The following PPP6R2 variants were observed in gnomAD, a reference collection of about 807,000 sequenced individuals.
The protein encoded by PPP6R2 is protein phosphatase 6 regulatory subunit 2, also known as serine/threonine-protein phosphatase 6 regulatory subunit 2.
A neutral mutation model predicts 100.2 loss-of-function variants in PPP6R2; 62 were observed. The ratio of observed to expected loss-of-function variants is 0.62; its 90% confidence interval spans 0.50 to 0.76. PPP6R2 has a LOEUF of 0.76. PPP6R2 is among the 30% of genes least tolerant of loss of function. The pLI is 0.00. For missense variants in PPP6R2, 1,142 were observed against 1,276.3 expected, an observed-to-expected ratio of 0.89 and a Z score of 1.60; for synonymous variants, 525 against 514.7, an observed-to-expected ratio of 1.02 and a Z score of -0.27.
chr22:50,382,735 T>C (rs1317428976), intron 2 of PPP6R2, among the ~76,000 whole-genome samples: 3 of 152,132 alleles, frequency 2.0e-5, no homozygotes, highest in African/African-American at 7.2e-5. Flanking sequence ...CTTACTGTTA[T>C]ACCAGTTCTT....
chr22:50,392,340 GAAA>G (rs34539629), intron 2 of PPP6R2, among the ~76,000 whole-genome samples: 25 of 117,600 alleles, frequency 2.1e-4, no homozygotes, highest in Admixed American at 3.5e-4. Flanking sequence ...TGTCTCTACA[GAAA>G]AAAAAAAAAA....
chr22:50,397,528 A>G (rs2057154652), intron 3 of PPP6R2, among the ~76,000 whole-genome samples: 1 of 141,708 alleles, frequency 7.1e-6, no homozygotes. Context: ...GAGGAGCATG[A>G]CTTGGGATGC....
intron 22 of PPP6R2, chr22:50,443,516 G>T: frequency 4.0e-6 from 1 of 247,618 alleles, no homozygotes. Flanking sequence ...CCCCTGGGAG[G>T]TTTCCCCAGA....
At chr22:50,396,842 C>T (rs1338606826) in intron 3 of PPP6R2, among the ~76,000 whole-genome samples, 1 of 152,122 alleles carries the variant, frequency 6.6e-6, no homozygotes, top group Non-Finnish European at 1.5e-5. Flanking sequence ...TGAGCAGGGC[C>T]TTGCTGTAAG....
intron 1 of PPP6R2, among the ~76,000 whole-genome samples, chr22:50,368,803 G>A (rs1011511545): frequency 1.3e-5 from 2 of 151,892 alleles, no homozygotes; most frequent in East Asian, 1.9e-4. Context: ...GACTGCAGGC[G>A]TGCACCACCA....
At chr22:50,432,214 C>T (rs1244450572) in intron 11 of PPP6R2, 51 bp from the exon 12 acceptor site, 42 of 1,482,856 alleles carry the variant, frequency 2.8e-5, no homozygotes, top group Admixed American at 3.9e-5. Flanking sequence ...TGGAGGGGTG[C>T]GTGCCGCCTT....
At chr22:50,419,728 C>T (rs999611456) in intron 8 of PPP6R2, among the ~76,000 whole-genome samples, 13 of 152,342 alleles carry the variant, frequency 8.5e-5, no homozygotes, top group East Asian at 3.9e-4. Context: ...GTGCGTGGAA[C>T]AGGTGTGGTT....
At chr22:50,369,160 C>T (rs554375531) in intron 1 of PPP6R2, among the ~76,000 whole-genome samples, 2 of 151,720 alleles carry the variant, frequency 1.3e-5, no homozygotes, top group Admixed American at 6.6e-5. Context: ...ATCGCTTGAA[C>T]CTAGGAGGCG....
At chr22:50,351,452 C>T (rs2045239796) in intron 1 of PPP6R2, among the ~76,000 whole-genome samples, 2 of 150,440 alleles carry the variant, frequency 1.3e-5, no homozygotes, top group African/African-American at 4.9e-5. Context: ...AGCTTTGAAG[C>T]CAGGCGTTGA....
At position 50,398,494 on chromosome 22, in the gene PPP6R2, A is replaced by T. The variant is rs530338690; in HGVS notation, c.227+4359A>T. On this transcript the variant is annotated intron_variant, in intron 3 of 23. Transcript: ENST00000612753. ...GGCCCCCATCTCTATTTCTTTATTTAAAAAAAAAAACATATTAAGACTTTT... is the reference window on the plus strand; with the variant it reads ...GGCCCCCATCTCTATTTCTTTATTTTAAAAAAAAAACATATTAAGACTTTT... Among the ~76,000 whole-genome samples, 245 of 131,394 alleles carry T rather than the reference A, an allele frequency of 1.9e-3. 1 individual carries two copies. Among genetic ancestry groups the T allele is most frequent in the African/African-American group, 5.9e-3 (228 of 38,328 alleles). 86.2% of individuals were successfully genotyped at this position (131,394 alleles called of 152,430 possible). A position where few individuals can be genotyped will look rare whatever the true frequency, so the allele number is the denominator to read the frequency against.
intron 1 of PPP6R2, among the ~76,000 whole-genome samples, chr22:50,357,576 C>G (rs1169291050): frequency 6.6e-6 from 1 of 151,894 alleles, no homozygotes. Context: ...CTCACTGCAG[C>G]TTCAAACTCC....
chr22:50,442,223 C>T lies in PPP6R2; in HGVS notation c.2579+1197C>T, dbSNP rs575106080. 3.3e-5 allele frequency among the ~76,000 whole-genome samples: 5 copies of T among 152,366 alleles called. No homozygotes were observed. In the South Asian group the frequency reaches 1.0e-3, roughly 32 times the overall value. On this transcript the variant is annotated intron_variant, in intron 22 of 23. Coordinates refer to ENST00000612753, the MANE Select transcript of PPP6R2 (RefSeq NM_001242898.2). ...AGGCCTGACACCTCAGAGGGTCCTG[C>T]TCACTGACCCCCGGCAATCCTGGAG...
intron 14 of PPP6R2, 24 bp from the exon 15 acceptor site, chr22:50,436,964 C>T (rs549728108): frequency 6.5e-7 from 1 of 1,547,138 alleles, no homozygotes; most frequent in East Asian, 2.4e-5. Context: ...CTCACACGCC[C>T]ACCCCATCTG....
chr22:50,431,237 C>T lies in PPP6R2; in HGVS notation c.1190C>T (p.Ala397Val). ...TTCCAAGTGGAACTATGCATAGCCG[C>T]TATTCTCTCCCACGCTGCCCGTGAG... is the stretch of plus-strand genomic sequence containing the variant. ...LHFQVELCIA[A>V]ILSHAAREER... Residue 397 changes from alanine to valine, a missense_variant, in exon 11 of 24, where the codon GCT (alanine) becomes GTT (valine). Physicochemically the swap from Ala to Val is moderately conservative, Grantham distance 64. Transcript: ENST00000612753. This position sits in a 1 kb window ranked among gnomAD's most constrained non-coding sequence, Gnocchi z 4.8. The T allele has an allele frequency of 6.2e-7, 1 of 1,613,918 alleles. No individual in the cohort carries two copies. The highest frequency in any genetic ancestry group is 1.6e-4 in the Middle Eastern group (1 of 6,062).
chr22:50,422,479 G>C, intron 9 of PPP6R2, 99 bp downstream of exon 9: 3 of 1,492,140 alleles, frequency 2.0e-6, no homozygotes, highest in Non-Finnish European at 2.7e-6. Context: ...AGGTAGCAGA[G>C]TGTGGAGTGA....
intron 6 of PPP6R2, 115 bp downstream of exon 6, chr22:50,416,272 G>T (rs2060517933): frequency 1.2e-6 from 1 of 867,978 alleles, no homozygotes; most frequent in Non-Finnish European, 1.8e-6. Flanking sequence ...CTAAGATGAG[G>T]ATCGGTTAGG....
In PPP6R2 at chr22:50,432,272, A is replaced by T; in HGVS notation, c.1343A>T (p.Gln448Leu). Residue 448 changes from glutamine (Q) to leucine (L), a missense_variant, in exon 12 of 24, where the codon CAG becomes CTG. Transcript: ENST00000612753. ...CCCTGCCCCGCCCCCCAGCTGTTCC[A>T]GAAGTGCTGCCTGGTGCAGAGGATC... is the stretch of plus-strand genomic sequence containing the variant. ...PDNTMVTHLF[Q>L]KCCLVQRILE... 1 of 1,549,970 alleles carries T rather than the reference A, an allele frequency of 6.5e-7. No individual in the cohort carries two copies. The highest frequency in any genetic ancestry group is 1.2e-5 in the South Asian group (1 of 84,022).
chr22:50,339,914 GGTGT>G (rs376674729), upstream of PPP6R2, among the ~76,000 whole-genome samples: 10 of 114,336 alleles, frequency 8.7e-5, no homozygotes, highest in South Asian at 3.2e-4. Flanking sequence ...TGTGGTATGT[GGTGT>G]GTGTGTGGGG....
chr22:50,354,162 G>A (rs921489047), intron 1 of PPP6R2, among the ~76,000 whole-genome samples: 4 of 151,884 alleles, frequency 2.6e-5, no homozygotes, highest in African/African-American at 4.8e-5. Flanking sequence ...AAAATTAGCC[G>A]GGCATGGTGG....
Sources: gnomAD v4.1 joint callset for allele counts (sites outside exome capture counted in the v4.1 genomes callset) on GRCh38, gnomAD v4.1.1 for gene constraint, Gnocchi (gnomAD v3.1) non-coding constraint, MANE v1.5 for transcripts, NCBI Gene and HGNC (gene_info 2026-07-23, HGNC 2026-07-21) for gene names.